ZNF121: variants seen among roughly 807,000 people sequenced by gnomAD.
The protein encoded by ZNF121 is zinc finger protein 121, also known as zinc finger protein 121 (clone ZHC32).
Under a neutral mutation model 2.4 loss-of-function variants are expected in ZNF121, and 1 was observed. That is an observed-to-expected ratio of 0.41 (90% confidence interval 0.15 to 1.94). ZNF121 has a LOEUF of 1.94. ZNF121 is among the 30% of genes most tolerant of loss of function. ZNF121 has a pLI of 0.30. For missense variants in ZNF121, 369 were observed against 466.3 expected, an observed-to-expected ratio of 0.79 and a Z score of 1.92; for synonymous variants, 173 against 158.6, an observed-to-expected ratio of 1.09 and a Z score of -0.68.
chr19:9,569,602 A>T (rs1461263695), intron 1 of ZNF121, among the ~76,000 whole-genome samples: 2 of 150,008 alleles, frequency 1.3e-5, no homozygotes, highest in African/African-American at 4.9e-5. Flanking sequence ...CACTGTCTCA[A>T]CTCACTGCAA....
intron 1 of ZNF121, among the ~76,000 whole-genome samples, chr19:9,577,228 TAA>T (rs1431391177): frequency 6.6e-6 from 1 of 151,382 alleles, no homozygotes; most frequent in Non-Finnish European, 1.5e-5. Flanking sequence ...TGGATCACCT[TAA>T]GTTAGGAGTT....
chr19:9,568,024 T>A (rs1432721917), intron 3 of ZNF121, 71 bp downstream of exon 3: 9 of 1,472,078 alleles, frequency 6.1e-6, no homozygotes, highest in Non-Finnish European at 8.3e-6. Context: ...ATATCTCTCA[T>A]TTTTGCTGAT....
At chr19:9,567,224 T>G (rs1183148515) in intron 3 of ZNF121, 115 bp from the exon 4 acceptor site, 2 of 829,516 alleles carry the variant, frequency 2.4e-6, no homozygotes, top group Non-Finnish European at 3.7e-6. Flanking sequence ...TTTCATTACA[T>G]GCATACAGTT....
rs1364119407 is a variant in ZNF121, at chr19:9,566,223, G to A, written c.890C>T (p.Ser297Leu). The stretch of plus-strand genomic sequence containing the variant: ...GATTTTTACATGATTATGTAAGCTT[G>A]AGGAAACAGTGAATGCTTTCCCACA... ...KECGKAFTVS[S>L]SLHNHVKIHT... The change falls in exon 4 of 4, where the codon TCA becomes TTA. Residue 297 changes from serine to leucine, a missense_variant. Ser to Leu is a moderately radical substitution (Grantham distance 145). Coordinates refer to ENST00000320451, the MANE Select transcript of ZNF121 (RefSeq NM_001008727.5). 2 of 1,613,940 alleles carry A rather than the reference G, an allele frequency of 1.2e-6. No individual in the cohort carries two copies. The highest frequency in any genetic ancestry group is 1.3e-5 in the African/African-American group (1 of 74,882).
intron 1 of ZNF121, among the ~76,000 whole-genome samples, chr19:9,576,534 G>T (rs1008350678): frequency 6.6e-6 from 1 of 151,914 alleles, no homozygotes; most frequent in Non-Finnish European, 1.5e-5. Flanking sequence ...ACAAAAAGTA[G>T]AAAGATTTAA....
chr19:9,567,618 A>G, intron 3 of ZNF121: 1 of 309,998 alleles, frequency 3.2e-6, no homozygotes. Flanking sequence ...ATTACATTGT[A>G]ATATATAATG....
Position 9,566,109 on chromosome 19 carries a change from G to T in ZNF121, c.1004C>A (p.Thr335Asn). The T allele has an allele frequency of 6.2e-7, 1 of 1,614,080 alleles. No homozygotes were observed. The highest frequency in any genetic ancestry group is 8.5e-7 in the Non-Finnish European group (1 of 1,179,998). ...CTTACATATATACGGTTTCTCTCCA[G>T]TGTGAGTTCTTATATGTTCAATGAG... is the stretch of plus-strand genomic sequence containing the variant. Reference protein sequence around the residue: ...SQLIEHIRTHTGEKPYICKEC... With the variant: ...SQLIEHIRTHNGEKPYICKEC... The change falls in exon 4 of 4, where the codon ACT (threonine) becomes AAT (asparagine). Residue 335 changes from threonine (T) to asparagine (N), a missense_variant. Physicochemically the swap from Thr to Asn is moderately conservative, Grantham distance 65 (BLOSUM62 0). Transcript: ENST00000320451.
rs2074108761 is a variant in ZNF121, at chr19:9,562,909, A to T, written c.*3031T>A. 3 of 147,200 alleles carry T rather than the reference A, an allele frequency of 2.0e-5. No individual in the cohort carries two copies. The South Asian group carries it at 6.4e-4, about 31-fold the overall frequency. 9.1% of individuals were successfully genotyped at this position (147,200 alleles called of 1,614,324 possible). ...TTTAAAAAAAAAAAAAAAAAAAAAA[A>T]AAAATTAGCTGGCCATGGTGGTGCA... On this transcript the variant is annotated 3_prime_UTR_variant, in exon 4 of 4. Transcript: ENST00000320451.
At chr19:9,572,136 T>A (rs1010393628) in intron 1 of ZNF121, among the ~76,000 whole-genome samples, 4 of 152,168 alleles carry the variant, frequency 2.6e-5, no homozygotes, top group African/African-American at 9.7e-5. Context: ...AGAAGCAAGC[T>A]GGTTTCAATC....
rs200163031 is a variant in ZNF121, at chr19:9,566,435, C to T, written c.678G>A (p.Lys226=). The T allele has an allele frequency of 2.5e-5, 41 of 1,613,506 alleles. No individual in the cohort carries two copies. Among genetic ancestry groups the T allele is most frequent in the Non-Finnish European group, 2.9e-5 (34 of 1,179,856 alleles). ...TCCCACATTCGTTACATTCATAGGG[C>T]TTCTCTCCAGTGTGTATTCGTACAT... is the stretch of plus-strand genomic sequence containing the variant. ...TKHVRIHTGE[K]PYECNECGKA... is the part of the protein sequence containing the mutation. Residue 226 remains lysine (K), a synonymous_variant, in exon 4 of 4, where the codon AAG becomes AAA. Transcript: ENST00000320451.
At position 9,569,760 on chromosome 19, in the gene ZNF121, C is replaced by T. The variant is rs373360887; in HGVS notation, c.-159-678G>A. On this transcript the variant is annotated intron_variant, in intron 1 of 3. Coordinates refer to ENST00000320451, the MANE Select transcript of ZNF121 (RefSeq NM_001008727.5). Reference sequence around the variant, plus strand: ...ATTGGCCAGGCTTGTCTTGAACTCCCGACCTCAGGTGATCCGCCCACCTCA... The same window carrying T: ...ATTGGCCAGGCTTGTCTTGAACTCCTGACCTCAGGTGATCCGCCCACCTCA... Among the ~76,000 whole-genome samples the T allele has an allele frequency of 3.6e-4, 54 of 150,898 alleles. No individual in the cohort carries two copies. In the East Asian group the frequency reaches 4.1e-3, roughly 12 times the overall value.
Position 9,563,205 on chromosome 19 carries a change from A to T in ZNF121, c.*2735T>A, listed in dbSNP as rs989629342. The T allele has an allele frequency of 3.3e-5, 5 of 152,160 alleles. No homozygotes were observed. The highest frequency in any genetic ancestry group is 7.4e-5 in the Non-Finnish European group (5 of 68,018). The allele number at this position is 152,160 out of a possible 1,614,324, so 9.4% of individuals were successfully genotyped here. Reference sequence around the variant, plus strand: ...AAGAAAGGAAAACAGCCTCACCACTAACACGGAATAAGTTTTAGTGGTCTG... The same window carrying T: ...AAGAAAGGAAAACAGCCTCACCACTTACACGGAATAAGTTTTAGTGGTCTG... On this transcript the variant is annotated 3_prime_UTR_variant, in exon 4 of 4. Transcript: ENST00000320451.
At chr19:9,579,000 A>AG (rs2074230804) in intron 1 of ZNF121, among the ~76,000 whole-genome samples, 1 of 145,178 alleles carries the variant, frequency 6.9e-6, no homozygotes, top group Admixed American at 6.8e-5. Context: ...AAAAAAAAAA[A>AG]TCCGATCAAA....
Position 9,565,817 on chromosome 19 carries a change from C to G in ZNF121, c.*123G>C. 1 of 715,888 alleles carries G rather than the reference C, an allele frequency of 1.4e-6. No individual in the cohort carries two copies. The highest frequency in any genetic ancestry group is 2.2e-6 in the Non-Finnish European group (1 of 452,840). The allele number at this position is 715,888 out of a possible 1,614,324, so 44.3% of individuals were successfully genotyped here. A position where few individuals can be genotyped will look rare whatever the true frequency, so the allele number is the denominator to read the frequency against. On this transcript the variant is annotated 3_prime_UTR_variant, in exon 4 of 4. Coordinates refer to ENST00000320451, the MANE Select transcript of ZNF121 (RefSeq NM_001008727.5). Reference sequence around the variant, plus strand: ...ATGTCTTCGAAGTGAATGGGGATAACTGAAGGCCTCCTCACATTCTTTGTA... The same window carrying G: ...ATGTCTTCGAAGTGAATGGGGATAAGTGAAGGCCTCCTCACATTCTTTGTA...
In ZNF121 at chr19:9,564,919, C is replaced by G. The variant is rs1482504274; in HGVS notation, c.*1021G>C. On this transcript the variant is annotated 3_prime_UTR_variant, in exon 4 of 4. Coordinates refer to ENST00000320451, the MANE Select transcript of ZNF121 (RefSeq NM_001008727.5). ...ACAGCCATCAACACTGAGGCAAGAC[C>G]TACCACAAGCAAAAAGATTACAACT... The G allele has an allele frequency of 6.6e-6, 1 of 152,238 alleles. No individual in the cohort carries two copies. Among genetic ancestry groups the G allele is most frequent in the Non-Finnish European group, 1.5e-5 (1 of 68,044 alleles). 9.4% of individuals were successfully genotyped at this position (152,238 alleles called of 1,614,324 possible). A position where few individuals can be genotyped will look rare whatever the true frequency, so the allele number is the denominator to read the frequency against.
Position 9,565,793 on chromosome 19 carries a change from T to A in ZNF121, c.*147A>T, listed in dbSNP as rs2074127325. 1 of 556,804 alleles carries A rather than the reference T, an allele frequency of 1.8e-6. No homozygotes were observed. The highest frequency in any genetic ancestry group is 3.6e-5 in the Admixed American group (1 of 27,492). 34.5% of individuals were successfully genotyped at this position (556,804 alleles called of 1,614,324 possible). Reference sequence around the variant, plus strand: ...GACACATAGAGTATGAGTTCTTTCATGTCTTCGAAGTGAATGGGGATAACT... The same window carrying A: ...GACACATAGAGTATGAGTTCTTTCAAGTCTTCGAAGTGAATGGGGATAACT... On this transcript the variant is annotated 3_prime_UTR_variant, in exon 4 of 4. Transcript: ENST00000320451.
At chr19:9,569,841 T>C (rs1384007596) in intron 1 of ZNF121, among the ~76,000 whole-genome samples, 1 of 106,198 alleles carries the variant, frequency 9.4e-6, no homozygotes, top group South Asian at 3.2e-4. Flanking sequence ...CCGAGATCTT[T>C]TTTTTTTTTT....
At chr19:9,567,620 T>G (rs545580744) in intron 3 of ZNF121, 1 of 311,870 alleles carries the variant, frequency 3.2e-6, no homozygotes, top group Admixed American at 3.2e-5. Context: ...TACATTGTAA[T>G]ATATAATGAA....
intron 1 of ZNF121, among the ~76,000 whole-genome samples, chr19:9,574,564 A>T (rs1037767116): frequency 3.3e-5 from 5 of 152,066 alleles, no homozygotes; most frequent in African/African-American, 1.2e-4. Context: ...TGACGCATCC[A>T]CCCTACTGCT....
Sources: allele counts gnomAD v4.1 joint callset (sites outside exome capture counted in the v4.1 genomes callset), GRCh38; gene constraint gnomAD v4.1.1; transcripts MANE v1.5; gene names NCBI Gene and HGNC (gene_info 2026-07-23, HGNC 2026-07-21).